The following ARID1B variants were observed in gnomAD, a reference collection of about 807,000 sequenced individuals.
ARID1B encodes the protein AT-rich interactive domain-containing protein 1B.
ARID1B carries 30 observed loss-of-function variants against 212.3 expected under a neutral mutation model. The ratio of observed to expected loss-of-function variants is 0.14; its 90% CI spans 0.11 to 0.19. The LOEUF (loss-of-function observed/expected upper bound fraction) is 0.19. ARID1B is among the 10% of genes least tolerant of loss of function. ARID1B has a pLI of 1.00. For missense variants in ARID1B, 2,891 were observed against 3,204.0 expected (o/e 0.90, Z 2.36); for synonymous variants, 1,402 against 1,301.7 (o/e 1.08, Z -1.66).
intron 1 of ARID1B, 76 bp from the exon 2 acceptor site, chr6:156,829,151 A>G (rs1782962045): frequency 1.7e-6 from 2 of 1,211,226 alleles, no homozygotes; most frequent in Admixed American, 2.1e-5. Context: ...ATTAATGCAT[A>G]TGTTGACATA....
chr6:156,895,270 A>T (rs954048386), intron 2 of ARID1B, among the ~76,000 whole-genome samples: 1 of 152,246 alleles, frequency 6.6e-6, no homozygotes, highest in Non-Finnish European at 1.5e-5. Context: ...AAATGCTGGC[A>T]TAAAGTTCTG....
chr6:156,990,019 T>G (rs1157661482), intron 4 of ARID1B, among the ~76,000 whole-genome samples: 2 of 152,182 alleles, frequency 1.3e-5, no homozygotes, highest in Non-Finnish European at 2.9e-5. Context: ...CAGAAAGTAT[T>G]TAATTCAGTG....
At chr6:157,039,662 C>CTTCTTTCT (rs1217938042) in intron 4 of ARID1B, among the ~76,000 whole-genome samples, 948 of 49,888 alleles carry the variant, frequency 0.019, 12 homozygotes, top group African/African-American at 0.12. Context: ...TCCTTCCTTC[C>CTTCTTTCT]TTCCTTCCTT....
intron 4 of ARID1B, among the ~76,000 whole-genome samples, chr6:157,004,297 G>A (rs770711773): frequency 2.0e-5 from 3 of 152,022 alleles, no homozygotes; most frequent in Non-Finnish European, 2.9e-5. Flanking sequence ...ATTAAATATA[G>A]GCCAAAAAAG....
intron 2 of ARID1B, among the ~76,000 whole-genome samples, chr6:156,850,545 C>T (rs1378847604): frequency 6.6e-6 from 1 of 152,198 alleles, no homozygotes; most frequent in African/African-American, 2.4e-5. Context: ...TCACCCCTTG[C>T]ACTGAACGCA....
intron 1 of ARID1B, among the ~76,000 whole-genome samples, chr6:156,824,396 T>A (rs1782598120): frequency 6.6e-6 from 1 of 152,214 alleles, no homozygotes; most frequent in Non-Finnish European, 1.5e-5. Flanking sequence ...CTGTTTTCGA[T>A]GTGGATGATA....
At chr6:156,957,220 T>A (rs755584957) in intron 4 of ARID1B, among the ~76,000 whole-genome samples, 1 of 152,220 alleles carries the variant, frequency 6.6e-6, no homozygotes, top group Non-Finnish European at 1.5e-5. Context: ...GGATGCTGAT[T>A]TACAAGTGAC....
chr6:157,194,390 A>T (rs1041696790), intron 15 of ARID1B: 2 of 152,260 alleles, frequency 1.3e-5, no homozygotes, highest in African/African-American at 4.8e-5. Context: ...GCCCCTCTCT[A>T]CCAGCCTAAC....
At chr6:156,825,646 G>A (rs1782688950) in intron 1 of ARID1B, among the ~76,000 whole-genome samples, 1 of 152,150 alleles carries the variant, frequency 6.6e-6, no homozygotes, top group Non-Finnish European at 1.5e-5. Flanking sequence ...GGCAGTTTTG[G>A]TCGTGCACTA....
intron 3 of ARID1B, among the ~76,000 whole-genome samples, chr6:156,905,662 T>C (rs1295957911): frequency 6.6e-6 from 1 of 152,236 alleles, no homozygotes; most frequent in Non-Finnish European, 1.5e-5. Flanking sequence ...TCTGTTATTC[T>C]CCATTGGCTC....
rs889118161 is a variant in ARID1B at position 157,148,341 on chromosome 6, T to C, written c.2762-283T>C. Reference sequence around the variant, plus strand: ...CCCTTGCCTATTCATAGGGTTTGTTTTTTGTTTTTTTGTTTGTTTCTTTTT... The same window carrying C: ...CCCTTGCCTATTCATAGGGTTTGTTCTTTGTTTTTTTGTTTGTTTCTTTTT... On this transcript the variant is annotated intron_variant, in intron 7 of 19. Coordinates refer to ENST00000636930, the MANE Select transcript of ARID1B (RefSeq NM_001374828.1). This position sits in a 1 kb window ranked among gnomAD's most constrained non-coding sequence, Gnocchi z 5.6. Among the ~76,000 whole-genome samples the C allele has an allele frequency of 2.6e-5, 4 of 152,070 alleles. No individual in the cohort carries two copies. The South Asian group carries it at 6.2e-4, about 24-fold the overall frequency.
At chr6:157,138,409 TG>T (rs1187948456) in intron 7 of ARID1B, among the ~76,000 whole-genome samples, 1 of 152,166 alleles carries the variant, frequency 6.6e-6, no homozygotes, top group East Asian at 1.9e-4. Context: ...TAATTTTTTT[TG>T]TATTTTTTGT....
chr6:156,978,097 A>T (rs997664014), intron 4 of ARID1B, among the ~76,000 whole-genome samples: 3 of 152,168 alleles, frequency 2.0e-5, no homozygotes, highest in African/African-American at 4.8e-5. Context: ...TCTGCCGAGT[A>T]TGGGAGGGAA....
At chr6:156,897,215 GCTGCTTCTTCTTCTTCTTCTT>G (rs1215318356) in intron 2 of ARID1B, among the ~76,000 whole-genome samples, 20 of 76,208 alleles carry the variant, frequency 2.6e-4, no homozygotes, top group African/African-American at 6.8e-4. Flanking sequence ...TGCTGCTGCT[GCTGCTTCTTCTTCTTCTTCTT>G]CTTCTTCTTC....
intron 4 of ARID1B, among the ~76,000 whole-genome samples, chr6:157,082,990 A>G (rs1313924076): frequency 6.6e-6 from 1 of 152,196 alleles, no homozygotes; most frequent in Non-Finnish European, 1.5e-5. Context: ...TTACCAGATA[A>G]ACTAAACTAT....
intron 16 of ARID1B, among the ~76,000 whole-genome samples, chr6:157,198,064 AAAGT>A (rs1445571279): frequency 6.6e-6 from 1 of 152,212 alleles, no homozygotes; most frequent in Non-Finnish European, 1.5e-5. Context: ...TGTATTTTTC[AAAGT>A]TCCAAATCTA....
At chr6:156,823,021 G>A (rs1782469450) in intron 1 of ARID1B, among the ~76,000 whole-genome samples, 2 of 152,188 alleles carry the variant, frequency 1.3e-5, no homozygotes, top group South Asian at 4.1e-4. Flanking sequence ...CGATATGACA[G>A]CAACTATCTA....
intron 3 of ARID1B, among the ~76,000 whole-genome samples, chr6:156,916,188 T>G (rs1236054428): frequency 6.6e-6 from 1 of 152,166 alleles, no homozygotes; most frequent in African/African-American, 2.4e-5. Flanking sequence ...AGTTGGACAT[T>G]GGTAATTTTT....
intron 2 of ARID1B, among the ~76,000 whole-genome samples, chr6:156,842,035 C>T (rs937164100): frequency 2.6e-5 from 4 of 152,116 alleles, no homozygotes; most frequent in South Asian, 2.1e-4. Context: ...ATTCGTTTCA[C>T]GTAAAGTCTT....
Sources: gnomAD v4.1 joint callset for allele counts (sites outside exome capture counted in the v4.1 genomes callset) on GRCh38, gnomAD v4.1.1 for gene constraint, Gnocchi (gnomAD v3.1) non-coding constraint, MANE v1.5 for transcripts, NCBI Gene and HGNC (gene_info 2026-07-23, HGNC 2026-07-21) for gene names.